The following STK31 variants were observed in gnomAD, a reference collection of about 807,000 sequenced individuals.
STK31 encodes the protein serine/threonine kinase 31, also known as serine/threonine-protein kinase 31.
Under a neutral mutation model 129.7 loss-of-function variants are expected in STK31, and 89 were observed. That is an observed-to-expected ratio of 0.69 (90% confidence interval 0.58 to 0.82). The LOEUF is 0.82. STK31 is among the 40% of genes least tolerant of loss of function. The probability of loss-of-function intolerance (pLI) is 0.00; values close to 1 mark genes in which losing one functional copy is unlikely to be tolerated. For synonymous variants in STK31, 448 were observed against 395.3 expected (o/e 1.13, Z -1.58); for missense variants, 1,187 against 1,176.4 (o/e 1.01, Z -0.13).
chr7:23,745,230 C>T (rs78620082), intron 8 of STK31, among the ~76,000 whole-genome samples: 240 of 152,140 alleles, frequency 1.6e-3, no homozygotes, highest in African/African-American at 5.4e-3. Context: ...GGGTGATACC[C>T]AGGGCCTTGG....
intron 15 of STK31, among the ~76,000 whole-genome samples, chr7:23,775,179 T>C (rs1790459806): frequency 6.6e-6 from 1 of 152,182 alleles, no homozygotes; most frequent in Admixed American, 6.5e-5. Context: ...TTGTGTTCCA[T>C]TGGTCTGTAT....
chr7:23,781,555 T>G (rs770603341), intron 16 of STK31, 35 bp downstream of exon 16: 1 of 1,474,916 alleles, frequency 6.8e-7, no homozygotes, highest in Non-Finnish European at 9.4e-7. Flanking sequence ...TTACATTAGG[T>G]TTTACTCTAG....
intron 6 of STK31, among the ~76,000 whole-genome samples, chr7:23,729,854 T>C (rs1787298534): frequency 6.6e-6 from 1 of 152,208 alleles, no homozygotes; most frequent in Admixed American, 6.5e-5. Flanking sequence ...AATACAGTTA[T>C]TTCTATAATT....
intron 20 of STK31, 21 bp downstream of exon 20, chr7:23,786,945 A>G: frequency 5.0e-6 from 8 of 1,594,022 alleles, no homozygotes; most frequent in Non-Finnish European, 6.9e-6. Flanking sequence ...AGCACTATTT[A>G]TTTCCATGGA....
intron 23 of STK31, among the ~76,000 whole-genome samples, chr7:23,825,189 T>G (rs1439961293): frequency 6.6e-6 from 1 of 152,148 alleles, no homozygotes; most frequent in African/African-American, 2.4e-5. Context: ...GCTCCTCCTT[T>G]TACCTCTGGT....
intron 8 of STK31, among the ~76,000 whole-genome samples, chr7:23,737,394 C>T (rs993079593): frequency 3.3e-5 from 5 of 152,082 alleles, no homozygotes; most frequent in African/African-American, 1.2e-4. Flanking sequence ...TGCCCATCAC[C>T]CAGTTTATAC....
At chr7:23,808,138 T>C (rs1224299491) in intron 22 of STK31, among the ~76,000 whole-genome samples, 5 of 137,012 alleles carry the variant, frequency 3.6e-5, no homozygotes, top group African/African-American at 8.2e-5. Context: ...TGTGAGACTA[T>C]GAATCCTTTT....
intron 8 of STK31, among the ~76,000 whole-genome samples, chr7:23,749,671 C>T (rs151188102): frequency 1.6e-3 from 239 of 152,064 alleles, no homozygotes; most frequent in African/African-American, 5.4e-3. Context: ...TTCTTGATAA[C>T]TGTATATGAT....
Position 23,832,498 on chromosome 7 carries a change from T to C in STK31, c.*132T>C. On this transcript the variant is annotated 3_prime_UTR_variant, in exon 24 of 24. Coordinates refer to ENST00000355870, the MANE Select transcript of STK31 (RefSeq NM_031414.5). Reference sequence around the variant, plus strand: ...TTCAGGTTGTGAAAAATAAAGATGTTTGGCTATGCACAAAATAGTTTGTAT... The same window carrying C: ...TTCAGGTTGTGAAAAATAAAGATGTCTGGCTATGCACAAAATAGTTTGTAT... The C allele has an allele frequency of 1.5e-6, 1 of 684,384 alleles. No homozygotes were observed. Among genetic ancestry groups the C allele is most frequent in the East Asian group, 2.6e-5 (1 of 38,112 alleles). 42.4% of individuals were successfully genotyped at this position (684,384 alleles called of 1,614,324 possible).
intron 22 of STK31, among the ~76,000 whole-genome samples, chr7:23,808,714 T>C (rs748714744): frequency 6.6e-6 from 1 of 152,228 alleles, no homozygotes; most frequent in Non-Finnish European, 1.5e-5. Context: ...ATGGATACCA[T>C]GCTAGTGGAG....
intron 4 of STK31, among the ~76,000 whole-genome samples, chr7:23,726,816 T>C (rs892649971): frequency 2.0e-5 from 3 of 152,218 alleles, no homozygotes; most frequent in African/African-American, 7.2e-5. Context: ...GTAGGAAATA[T>C]GAATTCCACT....
chr7:23,824,164 A>G (rs1255924569), intron 23 of STK31, among the ~76,000 whole-genome samples: 2 of 152,184 alleles, frequency 1.3e-5, no homozygotes, highest in African/African-American at 2.4e-5. Flanking sequence ...TGGGGATGGC[A>G]TTGAATCTAT....
intron 8 of STK31, among the ~76,000 whole-genome samples, chr7:23,745,181 C>A (rs1686969502): frequency 6.6e-6 from 1 of 152,016 alleles, no homozygotes; most frequent in African/African-American, 2.4e-5. Context: ...ACCTTGGGCC[C>A]TTGGGAGGAG....
intron 4 of STK31, among the ~76,000 whole-genome samples, chr7:23,724,223 G>A (rs776957562): frequency 3.9e-5 from 6 of 152,128 alleles, no homozygotes; most frequent in Non-Finnish European, 8.8e-5. Context: ...AAAATCCTGG[G>A]AACTTCATAC....
intron 21 of STK31, among the ~76,000 whole-genome samples, chr7:23,788,690 C>A (rs1221805477): frequency 1.3e-5 from 2 of 152,024 alleles, no homozygotes; most frequent in Non-Finnish European, 2.9e-5. Flanking sequence ...ATAATGGAAA[C>A]AATTCTCTAT....
chr7:23,739,633 C>G (rs1787936776), intron 8 of STK31, among the ~76,000 whole-genome samples: 1 of 152,132 alleles, frequency 6.6e-6, no homozygotes. Flanking sequence ...TTTAATCCAT[C>G]TTGAGTTAAT....
chr7:23,713,393 A>C (rs1057280022), intron 3 of STK31, among the ~76,000 whole-genome samples: 5 of 152,184 alleles, frequency 3.3e-5, no homozygotes, highest in African/African-American at 9.7e-5. Flanking sequence ...GTAGTGAGGA[A>C]TGTGAAGTCC....
At chr7:23,717,097 C>CTTTTTTTTTTTTTTTTTTTTTTTTT (rs70956911) in intron 3 of STK31, among the ~76,000 whole-genome samples, 2 of 42,956 alleles carry the variant, frequency 4.7e-5, no homozygotes, top group East Asian at 5.2e-4. Context: ...TCGCAACCTG[C>CTTTTTTTTTTTTTTTTTTTTTTTTT]TTTTTTTTTT....
chr7:23,823,713 G>T (rs1793931484), intron 23 of STK31, among the ~76,000 whole-genome samples: 1 of 152,170 alleles, frequency 6.6e-6, no homozygotes, highest in Non-Finnish European at 1.5e-5. Flanking sequence ...TATTCTTCTA[G>T]GGTTTTTATA....
Sources: allele counts gnomAD v4.1 joint callset (sites outside exome capture counted in the v4.1 genomes callset), GRCh38; gene constraint gnomAD v4.1.1; transcripts MANE v1.5; gene names NCBI Gene and HGNC (gene_info 2026-07-23, HGNC 2026-07-21).